Variants in ITPRID1 observed in about 807,000 individuals in gnomAD.
The protein encoded by ITPRID1 is protein ITPRID1.
ITPRID1 carries 96 observed loss-of-function variants against 95.4 expected under a neutral mutation model. The observed-to-expected ratio is 1.01, with a 90% CI of 0.85 to 1.19. ITPRID1 has a LOEUF of 1.19. ITPRID1 is among the 50% of genes most tolerant of loss of function. The probability of loss-of-function intolerance (pLI) is 0.00; values close to 1 mark genes in which losing one functional copy is unlikely to be tolerated. For missense variants in ITPRID1, 1,339 were observed against 1,252.9 expected, an observed-to-expected ratio of 1.07 and a Z score of -1.04; for synonymous variants, 510 against 453.6, an observed-to-expected ratio of 1.12 and a Z score of -1.58.
intron 10 of ITPRID1, among the ~76,000 whole-genome samples, chr7:31,583,990 G>A (rs1026870547): frequency 6.6e-6 from 1 of 152,158 alleles, no homozygotes; most frequent in Admixed American, 6.5e-5. Context: ...AGTGGACAGA[G>A]GTTCCCTAGA....
intron 10 of ITPRID1, among the ~76,000 whole-genome samples, chr7:31,619,760 T>C (rs1041724623): frequency 6.6e-6 from 1 of 152,060 alleles, no homozygotes; most frequent in African/African-American, 2.4e-5. Context: ...TGGGCGCAGG[T>C]CAGTGGGTGC....
intron 5 of ITPRID1, among the ~76,000 whole-genome samples, chr7:31,557,153 C>T (rs913617473): frequency 2.0e-5 from 3 of 151,978 alleles, no homozygotes. Flanking sequence ...TCCACAAAGA[C>T]CCTATTTCCA....
intron 9 of ITPRID1, 57 bp downstream of exon 9, chr7:31,578,491 C>A (rs1366820361): frequency 8.5e-6 from 11 of 1,299,516 alleles, no homozygotes; most frequent in African/African-American, 1.5e-5. Flanking sequence ...ACTATGACAC[C>A]CTTGTTTTCC....
intron 10 of ITPRID1, among the ~76,000 whole-genome samples, chr7:31,609,061 T>C (rs998396813): frequency 5.3e-5 from 8 of 151,716 alleles, no homozygotes; most frequent in African/African-American, 1.9e-4. Flanking sequence ...AAATGCTTTT[T>C]TGGCATCAAT....
intron 1 of ITPRID1, among the ~76,000 whole-genome samples, chr7:31,523,306 A>G (rs1783325815): frequency 6.6e-6 from 1 of 152,226 alleles, no homozygotes; most frequent in Non-Finnish European, 1.5e-5. Context: ...ACTAAGGAGT[A>G]GATACTAGGA....
At chr7:31,634,278 A>C (rs1259637686) in intron 10 of ITPRID1, among the ~76,000 whole-genome samples, 1 of 152,202 alleles carries the variant, frequency 6.6e-6, no homozygotes, top group African/African-American at 2.4e-5. Flanking sequence ...TTTCTAATTA[A>C]TATTAGTATT....
At chr7:31,601,941 A>T (rs1786410697) in intron 10 of ITPRID1, among the ~76,000 whole-genome samples, 1 of 152,042 alleles carries the variant, frequency 6.6e-6, no homozygotes, top group Non-Finnish European at 1.5e-5. Flanking sequence ...TTTTCTACAC[A>T]CCCATGAAAG....
Position 31,656,121 on chromosome 7 carries a change from A to G in ITPRID1, c.*3292A>G, listed in dbSNP as rs1380938211. 8.4e-6 allele frequency: 6 copies of G among 712,934 alleles called. No homozygotes were observed. Among genetic ancestry groups the G allele is most frequent in the Non-Finnish European group, 1.0e-5 (6 of 581,522 alleles). 44.2% of individuals were successfully genotyped at this position (712,934 alleles called of 1,614,324 possible). A position where few individuals can be genotyped will look rare whatever the true frequency, so the allele number is the denominator to read the frequency against. On this transcript the variant is annotated 3_prime_UTR_variant, in exon 15 of 15. Coordinates refer to ENST00000615280, the MANE Select transcript of ITPRID1 (RefSeq NM_001257967.3). Reference sequence around the variant, plus strand: ...GTGATCCTTATTTTTTGAAACTCCTATATCACTTTGCTTTTTTGTTAAAAC... The same window carrying G: ...GTGATCCTTATTTTTTGAAACTCCTGTATCACTTTGCTTTTTTGTTAAAAC...
In ITPRID1 at chr7:31,549,436, G is replaced by A. The variant is rs969781029; in HGVS notation, c.-87G>A. On this transcript the variant is annotated 5_prime_UTR_variant, in exon 2 of 15. Transcript: ENST00000615280. Reference sequence around the variant, plus strand: ...TTCTTTACTTGACAGTTCCTGACAGGATAAGGACAAGAAGCAACACACAGA... The same window carrying A: ...TTCTTTACTTGACAGTTCCTGACAGAATAAGGACAAGAAGCAACACACAGA... 19 of 1,487,990 alleles carry A rather than the reference G, an allele frequency of 1.3e-5. No individual in the cohort carries two copies. The African/African-American group carries it at 2.5e-4, about 20-fold the overall frequency. 92.2% of individuals were successfully genotyped at this position (1,487,990 alleles called of 1,614,324 possible).
intron 13 of ITPRID1, 51 bp downstream of exon 13, chr7:31,651,320 G>A (rs1583754600): frequency 3.1e-6 from 5 of 1,591,574 alleles, no homozygotes; most frequent in Admixed American, 1.7e-5. Context: ...CACACCTGGA[G>A]CAAGGAAGAT....
At chr7:31,634,163 T>G (rs535076879) in intron 10 of ITPRID1, among the ~76,000 whole-genome samples, 3 of 152,288 alleles carry the variant, frequency 2.0e-5, no homozygotes, top group East Asian at 3.9e-4. Flanking sequence ...CAGAAATGTT[T>G]CCCAACTTAC....
intron 13 of ITPRID1, among the ~76,000 whole-genome samples, 172 bp downstream of exon 13, chr7:31,651,441 G>A (rs1790939957): frequency 6.6e-6 from 1 of 152,114 alleles, no homozygotes; most frequent in South Asian, 2.1e-4. Flanking sequence ...GTCTGTGAGA[G>A]CCATTTGCTA....
Position 31,577,891 on chromosome 7 carries a change from C to T in ITPRID1, c.627C>T (p.Asp209=). ...YGRFRQLEIL[D]HVTNAFSSLL... is the part of the protein sequence containing the mutation. ...GTTTCCGACAGCTGGAAATCCTGGA[C>T]CATGTGACCAATGCCTTCTCATCTC... Residue 209 remains aspartate, a synonymous_variant, in exon 9 of 15, where the codon GAC becomes GAT. Coordinates refer to ENST00000615280, the MANE Select transcript of ITPRID1 (RefSeq NM_001257967.3). 3.1e-6 allele frequency: 5 copies of T among 1,608,060 alleles called. No individual in the cohort carries two copies. Among genetic ancestry groups the T allele is most frequent in the Non-Finnish European group, 4.2e-6 (5 of 1,176,846 alleles).
chr7:31,644,462 T>C (rs1790294950), intron 12 of ITPRID1, among the ~76,000 whole-genome samples: 1 of 152,158 alleles, frequency 6.6e-6, no homozygotes, highest in African/African-American at 2.4e-5. Context: ...CTCTAGGTAA[T>C]GTTAATTGTG....
At chr7:31,613,003 G>A (rs780552311) in intron 10 of ITPRID1, among the ~76,000 whole-genome samples, 11 of 152,144 alleles carry the variant, frequency 7.2e-5, no homozygotes, top group Non-Finnish European at 1.2e-4. Flanking sequence ...TCCTGACTTA[G>A]GAATCTCTGA....
intron 9 of ITPRID1, among the ~76,000 whole-genome samples, chr7:31,579,606 G>A (rs968671348): frequency 3.3e-4 from 50 of 152,182 alleles, no homozygotes; most frequent in African/African-American, 1.1e-3. Flanking sequence ...GCCTGGGGCC[G>A]AGAGGATAAA....
At chr7:31,579,162 T>G (rs1314075810) in intron 9 of ITPRID1, among the ~76,000 whole-genome samples, 1 of 152,218 alleles carries the variant, frequency 6.6e-6, no homozygotes, top group African/African-American at 2.4e-5. Context: ...CATTCTCACT[T>G]GTACTTCTCA....
chr7:31,576,823 C>G (rs1785201833), intron 8 of ITPRID1, among the ~76,000 whole-genome samples: 1 of 152,128 alleles, frequency 6.6e-6, no homozygotes. Context: ...ACCCCACATG[C>G]TATCACTGTG....
intron 1 of ITPRID1, among the ~76,000 whole-genome samples, chr7:31,530,254 T>G (rs2128129881): frequency 6.6e-6 from 1 of 152,340 alleles, no homozygotes; most frequent in East Asian, 1.9e-4. Context: ...GGACTTTTTT[T>G]GTCTTTCTTG....
Sources: gnomAD v4.1 joint callset for allele counts (sites outside exome capture counted in the v4.1 genomes callset) on GRCh38, gnomAD v4.1.1 for gene constraint, MANE v1.5 for transcripts, NCBI Gene and HGNC (gene_info 2026-07-23, HGNC 2026-07-21) for gene names.